The following ALK variants were observed in gnomAD, a reference collection of about 807,000 sequenced individuals.
ALK encodes the protein ALK tyrosine kinase receptor.
Under a neutral mutation model 163.1 loss-of-function variants are expected in ALK, and 74 were observed. That is an observed-to-expected ratio of 0.45 (90% confidence interval 0.38 to 0.55). The LOEUF is 0.55. ALK is among the 20% of genes least tolerant of loss of function. ALK has a pLI of 0.00. For missense variants in ALK, 2,063 were observed against 2,105.3 expected (o/e 0.98, Z 0.39); for synonymous variants, 960 against 843.2 (o/e 1.14, Z -2.40).
Position 29,227,553 on chromosome 2 carries a change from G to T in ALK, c.2914+21C>A, listed in dbSNP as rs756457574. 12 of 1,599,578 alleles carry T rather than the reference G, an allele frequency of 7.5e-6. No homozygotes were observed. The highest frequency in any genetic ancestry group is 3.3e-4 in the Middle Eastern group (2 of 5,994). ...GGACTGACCTAAGCAAGTTTGTTCT[G>T]CTGCCTGGCAGAGAAGCTACCTTTT... On this transcript the variant is annotated intron_variant, in intron 17 of 28. Transcript: ENST00000389048. The surrounding 1 kb of genome is among the most constrained non-coding windows in gnomAD (Gnocchi z 4.4).
At chr2:29,877,195 T>G (rs1158773735) in intron 1 of ALK, among the ~76,000 whole-genome samples, 1 of 152,244 alleles carries the variant, frequency 6.6e-6, no homozygotes, top group African/African-American at 2.4e-5. Context: ...ATAAGTTAAG[T>G]TGGAGGCTGA....
At chr2:29,346,130 T>C (rs1667941828) in intron 5 of ALK, among the ~76,000 whole-genome samples, 1 of 152,216 alleles carries the variant, frequency 6.6e-6, no homozygotes, top group Non-Finnish European at 1.5e-5. Flanking sequence ...CCTAGGCTGA[T>C]GCTTACATTC....
chr2:29,898,468 A>G (rs1326884858), intron 1 of ALK, among the ~76,000 whole-genome samples: 2 of 152,236 alleles, frequency 1.3e-5, no homozygotes, highest in Non-Finnish European at 2.9e-5. Flanking sequence ...AAAAGCTGAT[A>G]AAAAACAATC....
At chr2:29,866,851 G>C (rs1325615443) in intron 1 of ALK, among the ~76,000 whole-genome samples, 1 of 152,178 alleles carries the variant, frequency 6.6e-6, no homozygotes, top group African/African-American at 2.4e-5. Context: ...TGTGGGCAAG[G>C]CTCCTGGGCC....
At chr2:29,584,337 C>T (rs1674811243) in intron 3 of ALK, among the ~76,000 whole-genome samples, 1 of 152,134 alleles carries the variant, frequency 6.6e-6, no homozygotes, top group Non-Finnish European at 1.5e-5. Context: ...CAAATAAAAT[C>T]TGAGAAAAGT....
Position 29,829,761 on chromosome 2 carries a change from T to C in ALK, c.667+90232A>G, listed in dbSNP as rs538864704. On this transcript the variant is annotated intron_variant, in intron 1 of 28. Coordinates refer to ENST00000389048, the MANE Select transcript of ALK (RefSeq NM_004304.5). ...AAAATCACCAGTGCAAGACTGTCTC[T>C]GATTCTCTGAAGCACAGTGCCCCAA... Among the ~76,000 whole-genome samples, 7 of 152,360 alleles carry C rather than the reference T, an allele frequency of 4.6e-5. No individual in the cohort carries two copies. The East Asian group carries it at 1.2e-3, about 25-fold the overall frequency.
At chr2:29,832,805 C>CATG (rs1337935270) in intron 1 of ALK, among the ~76,000 whole-genome samples, 2 of 152,186 alleles carry the variant, frequency 1.3e-5, no homozygotes, top group African/African-American at 4.8e-5. Flanking sequence ...GTCTAGTGGG[C>CATG]ATGAATCAAG....
intron 5 of ALK, among the ~76,000 whole-genome samples, chr2:29,329,285 G>A (rs1251124273): frequency 6.6e-6 from 1 of 152,162 alleles, no homozygotes; most frequent in Admixed American, 6.5e-5. Flanking sequence ...TCACATCTTT[G>A]CAGGCCCCAG....
chr2:29,289,562 C>A (rs1256005307), intron 9 of ALK, among the ~76,000 whole-genome samples: 2 of 152,126 alleles, frequency 1.3e-5, no homozygotes, highest in Admixed American at 1.3e-4. Context: ...TAGAGAGCAC[C>A]TTTTATTTTC....
At chr2:29,768,724 T>TGTGTGC (rs1181893018) in intron 1 of ALK, among the ~76,000 whole-genome samples, 1 of 141,900 alleles carries the variant, frequency 7.0e-6, no homozygotes, top group Non-Finnish European at 1.5e-5. Flanking sequence ...TGTGTGTGTG[T>TGTGTGC]GTGTGTGTGT....
rs567485822 is a variant in ALK at position 29,259,907 on chromosome 2, G to A, written c.2042-8640C>T. Among the ~76,000 whole-genome samples, 39 of 151,422 alleles carry A rather than the reference G, an allele frequency of 2.6e-4. No individual in the cohort carries two copies. In the South Asian group the frequency reaches 3.7e-3, roughly 15 times the overall value. ...TCATGTATATTCTAGTAAAGTTGCC[G>A]GACTTTAAAATAAAAAGAAAAAAAT... is the stretch of plus-strand genomic sequence containing the variant. On this transcript the variant is annotated intron_variant, in intron 11 of 28. Coordinates refer to ENST00000389048, the MANE Select transcript of ALK (RefSeq NM_004304.5).
intron 5 of ALK, among the ~76,000 whole-genome samples, chr2:29,342,161 G>T (rs929163079): frequency 6.6e-6 from 1 of 152,224 alleles, no homozygotes; most frequent in African/African-American, 2.4e-5. Context: ...AATAATGAGT[G>T]TTGGCAAAGA....
At chr2:29,675,919 C>A (rs982928164) in intron 3 of ALK, among the ~76,000 whole-genome samples, 1 of 151,800 alleles carries the variant, frequency 6.6e-6, no homozygotes, top group Non-Finnish European at 1.5e-5. Context: ...AGAGATGGCA[C>A]CCCTCTATAT....
At chr2:29,695,758 GA>G (rs1678538036) in intron 2 of ALK, among the ~76,000 whole-genome samples, 1 of 152,082 alleles carries the variant, frequency 6.6e-6, no homozygotes, top group Admixed American at 6.5e-5. Context: ...ACAAACATAT[GA>G]AAAAAAGCTC....
At chr2:29,703,276 G>C (rs1244329327) in intron 2 of ALK, among the ~76,000 whole-genome samples, 1 of 152,206 alleles carries the variant, frequency 6.6e-6, no homozygotes, top group East Asian at 1.9e-4. Flanking sequence ...GGGCCTGACT[G>C]TCCTCACTTG....
intron 1 of ALK, among the ~76,000 whole-genome samples, chr2:29,849,275 G>C (rs1484234437): frequency 6.6e-6 from 1 of 152,194 alleles, no homozygotes; most frequent in Non-Finnish European, 1.5e-5. Flanking sequence ...GTGGCAGTTA[G>C]AGCACAAATT....
intron 4 of ALK, among the ~76,000 whole-genome samples, chr2:29,523,524 G>A (rs1364355578): frequency 6.6e-6 from 1 of 152,168 alleles, no homozygotes. Context: ...TGACACCAGT[G>A]TTCTATCACT....
intron 4 of ALK, among the ~76,000 whole-genome samples, chr2:29,421,678 T>C (rs866093453): frequency 9.9e-5 from 15 of 151,622 alleles, no homozygotes; most frequent in Admixed American, 5.2e-4. Flanking sequence ...CAGCTCACTG[T>C]CTCACGTTCA....
At chr2:29,269,324 G>A (rs1424670813) in intron 11 of ALK, among the ~76,000 whole-genome samples, 1 of 152,192 alleles carries the variant, frequency 6.6e-6, no homozygotes, top group Non-Finnish European at 1.5e-5. Context: ...CCCTGGAGAA[G>A]TGCTTTCTCA....
Sources: allele counts gnomAD v4.1 joint callset (sites outside exome capture counted in the v4.1 genomes callset), GRCh38; gene constraint gnomAD v4.1.1; non-coding constraint Gnocchi (gnomAD v3.1); transcripts MANE v1.5; gene names NCBI Gene and HGNC (gene_info 2026-07-23, HGNC 2026-07-21).